CADM2: variants seen among roughly 807,000 people sequenced by gnomAD.
CADM2 encodes immunoglobulin superfamily member 4D.
In CADM2, 12 loss-of-function variants were observed where a neutral mutation model predicts 49.8. The ratio of observed to expected loss-of-function variants is 0.24; its 90% CI spans 0.15 to 0.39. CADM2 has a LOEUF of 0.39. CADM2 is among the 10% of genes least tolerant of loss of function. The probability of loss-of-function intolerance (pLI) is 1.00; values close to 1 mark genes in which losing one functional copy is unlikely to be tolerated. For missense variants in CADM2, 378 were observed against 492.3 expected (o/e 0.77, Z 2.20); for synonymous variants, 214 against 175.4 (o/e 1.22, Z -1.74).
chr3:86,002,704 A>T (rs1390095499), intron 8 of CADM2, among the ~76,000 whole-genome samples: 3 of 152,180 alleles, frequency 2.0e-5, no homozygotes, highest in Non-Finnish European at 4.4e-5. Context: ...AGCTCTTTGG[A>T]ACAGAAAGTT....
intron 1 of CADM2, among the ~76,000 whole-genome samples, chr3:85,476,827 C>T (rs1434557577): frequency 6.6e-6 from 1 of 151,610 alleles, no homozygotes; most frequent in East Asian, 1.9e-4. Context: ...AATCTATCTT[C>T]CTACCTTCTA....
chr3:85,118,604 C>T (rs1209388328), intron 1 of CADM2, among the ~76,000 whole-genome samples: 1 of 152,164 alleles, frequency 6.6e-6, no homozygotes. Flanking sequence ...TCAATTACCT[C>T]CCACTGGGTG....
At chr3:85,035,342 T>C (rs1470316326) in intron 1 of CADM2, among the ~76,000 whole-genome samples, 4 of 152,176 alleles carry the variant, frequency 2.6e-5, no homozygotes, top group Admixed American at 1.3e-4. Flanking sequence ...GATGGCTAGA[T>C]TGCAATTATT....
intron 8 of CADM2, among the ~76,000 whole-genome samples, chr3:86,063,668 T>C (rs922216648): frequency 6.6e-6 from 1 of 152,190 alleles, no homozygotes. Context: ...TTTTTTTCTA[T>C]CTAGACATAT....
intron 1 of CADM2, among the ~76,000 whole-genome samples, chr3:85,006,416 G>GAAAT (rs4053358): frequency 8.4e-4 from 127 of 152,000 alleles, no homozygotes; most frequent in South Asian, 7.5e-3. Context: ...AGCAGCATGT[G>GAAAT]AAATAAATAA....
rs1250773507 is a variant in CADM2, at chr3:85,519,870, T to C, written c.62-206652T>C. On this transcript the variant is annotated intron_variant, in intron 1 of 9. Transcript: ENST00000383699. ...AGAGAAAGCAATCCCGTAGAGGTTT[T>C]ATTTTATCTTTATACCCACCGAATT... Among the ~76,000 whole-genome samples the C allele has an allele frequency of 2.0e-5, 3 of 152,240 alleles. No homozygotes were observed. In the South Asian group the frequency reaches 6.2e-4, roughly 32 times the overall value.
At chr3:85,026,421 C>T (rs1192477021) in intron 1 of CADM2, among the ~76,000 whole-genome samples, 1 of 152,028 alleles carries the variant, frequency 6.6e-6, no homozygotes. Context: ...AGTTTTTATC[C>T]TTATTCAAAA....
In CADM2 at chr3:85,784,261, A is replaced by G. The variant is rs571094535; in HGVS notation, c.89-17786A>G. On this transcript the variant is annotated intron_variant, in intron 2 of 9. Transcript: ENST00000383699. Reference sequence around the variant, plus strand: ...TGTAGCTTCCGATGATTTATTTATTAAAGTTTTTAGTAACAACTAAGTCAC... The same window carrying G: ...TGTAGCTTCCGATGATTTATTTATTGAAGTTTTTAGTAACAACTAAGTCAC... 6.6e-5 allele frequency among the ~76,000 whole-genome samples: 10 copies of G among 152,340 alleles called. No individual in the cohort carries two copies. In the South Asian group the frequency reaches 2.1e-3, roughly 32 times the overall value.
chr3:85,376,736 C>T (rs1185893695), intron 1 of CADM2, among the ~76,000 whole-genome samples: 1 of 151,884 alleles, frequency 6.6e-6, no homozygotes, highest in Non-Finnish European at 1.5e-5. Flanking sequence ...ATCAAAATTA[C>T]AACTCATGCT....
At chr3:85,404,091 A>T (rs2035254299) in intron 1 of CADM2, among the ~76,000 whole-genome samples, 1 of 152,142 alleles carries the variant, frequency 6.6e-6, no homozygotes, top group South Asian at 2.1e-4. Flanking sequence ...AAAATTACAC[A>T]AATTGCACCT....
At chr3:85,430,516 T>C (rs2036610430) in intron 1 of CADM2, among the ~76,000 whole-genome samples, 1 of 145,488 alleles carries the variant, frequency 6.9e-6, no homozygotes, top group Non-Finnish European at 1.5e-5. Flanking sequence ...AGACCTTGTC[T>C]CAAAAAATAA....
At chr3:85,972,067 C>T (rs142768603) in intron 8 of CADM2, among the ~76,000 whole-genome samples, 26 of 151,680 alleles carry the variant, frequency 1.7e-4, no homozygotes, top group African/African-American at 6.3e-4. Flanking sequence ...GAGGCGTGTA[C>T]TGGTGAGTTG....
intron 1 of CADM2, among the ~76,000 whole-genome samples, chr3:85,415,433 T>C (rs1342267313): frequency 8.6e-6 from 1 of 115,970 alleles, no homozygotes; most frequent in Non-Finnish European, 1.9e-5. Flanking sequence ...AAAAAAAAAC[T>C]AGCCTAGAAA....
chr3:85,673,189 A>G (rs966602053), intron 1 of CADM2, among the ~76,000 whole-genome samples: 5 of 152,222 alleles, frequency 3.3e-5, no homozygotes, highest in Non-Finnish European at 4.4e-5. Flanking sequence ...CTGCCTGTGT[A>G]TAGGGACAGA....
intron 1 of CADM2, among the ~76,000 whole-genome samples, chr3:85,377,579 G>T (rs2033665111): frequency 6.6e-6 from 1 of 151,980 alleles, no homozygotes; most frequent in African/African-American, 2.4e-5. Context: ...TGTCAAAGTT[G>T]CCCAATGGAA....
At chr3:84,988,553 C>A (rs1187343887) in intron 1 of CADM2, among the ~76,000 whole-genome samples, 1 of 152,156 alleles carries the variant, frequency 6.6e-6, no homozygotes. Context: ...TGAGTAAATT[C>A]TTAGGATCAC....
At chr3:86,032,532 G>A (rs1341694931) in intron 8 of CADM2, among the ~76,000 whole-genome samples, 1 of 151,728 alleles carries the variant, frequency 6.6e-6, no homozygotes, top group Non-Finnish European at 1.5e-5. Flanking sequence ...TAATGATTTT[G>A]AAGAAATTAA....
chr3:85,062,690 A>G (rs146532093), intron 1 of CADM2, among the ~76,000 whole-genome samples: 1 of 152,098 alleles, frequency 6.6e-6, no homozygotes, highest in East Asian at 1.9e-4. Context: ...AAAAGTATAA[A>G]TATGACAATT....
At chr3:85,016,809 AAAAAG>A (rs551555762) in intron 1 of CADM2, among the ~76,000 whole-genome samples, 3 of 152,090 alleles carry the variant, frequency 2.0e-5, no homozygotes, top group Non-Finnish European at 2.9e-5. Flanking sequence ...AAATAAAAAG[AAAAAG>A]AAAAGAAAAG....
Sources: gnomAD v4.1 joint callset for allele counts (sites outside exome capture counted in the v4.1 genomes callset) on GRCh38, gnomAD v4.1.1 for gene constraint, MANE v1.5 for transcripts, NCBI Gene and HGNC (gene_info 2026-07-23, HGNC 2026-07-21) for gene names.